NXPE2: variants seen among roughly 807,000 people sequenced by gnomAD.
NXPE2 encodes neurexophilin and PC-esterase domain family member 2.
Under a neutral mutation model 34.4 loss-of-function variants are expected in NXPE2, and 34 were observed. The ratio of observed to expected loss-of-function variants is 0.99; its 90% CI spans 0.75 to 1.31. NXPE2 has a LOEUF of 1.31. Ranked by LOEUF, NXPE2 falls within the 40% of genes most tolerant of loss-of-function variation. The pLI is 0.00. For missense variants in NXPE2, 649 were observed against 672.5 expected, an observed-to-expected ratio of 0.97 and a Z score of 0.39; for synonymous variants, 235 against 231.3, an observed-to-expected ratio of 1.02 and a Z score of -0.15.
the NXPE2 span, among the ~76,000 whole-genome samples, chr11:114,601,873 A>C: frequency 5.4e-4 from 2 of 3,694 alleles, no homozygotes; most frequent in Non-Finnish European, 7.0e-4. Context: ...AATTATATAT[A>C]TTATATATAA....
chr11:114,546,192 G>A, the NXPE2 span, among the ~76,000 whole-genome samples: 4 of 152,130 alleles, frequency 2.6e-5, no homozygotes, highest in East Asian at 5.8e-4. Context: ...CTGCATATAA[G>A]CACTGTACTC....
chr11:114,652,980 G>A, the NXPE2 span, among the ~76,000 whole-genome samples: 1 of 152,168 alleles, frequency 6.6e-6, no homozygotes, highest in Non-Finnish European at 1.5e-5. Flanking sequence ...AAAGATGACT[G>A]TGAGAAGCAA....
At chr11:114,639,185 C>G in the NXPE2 span, among the ~76,000 whole-genome samples, 11 of 152,046 alleles carry the variant, frequency 7.2e-5, no homozygotes, top group East Asian at 2.1e-3. Flanking sequence ...GCACCCCTCC[C>G]CCAGCCTCAC....
At chr11:114,534,858 C>G in the NXPE2 span, among the ~76,000 whole-genome samples, 1 of 152,206 alleles carries the variant, frequency 6.6e-6, no homozygotes, top group African/African-American at 2.4e-5. Flanking sequence ...AAACACTCTG[C>G]AGGATATTAT....
chr11:114,728,156 T>C, the NXPE2 span, among the ~76,000 whole-genome samples: 1 of 152,078 alleles, frequency 6.6e-6, no homozygotes, highest in African/African-American at 2.4e-5. Context: ...CATCTCTCAC[T>C]ATAAGCCTTC....
the NXPE2 span, among the ~76,000 whole-genome samples, chr11:114,638,590 G>T: frequency 6.6e-6 from 1 of 152,066 alleles, no homozygotes; most frequent in South Asian, 2.1e-4. Context: ...CCCCATCTTT[G>T]TGGTTTTATC....
intron 2 of NXPE2, among the ~76,000 whole-genome samples, chr11:114,692,068 C>G (rs964104097): frequency 6.6e-6 from 1 of 152,202 alleles, no homozygotes; most frequent in African/African-American, 2.4e-5. Flanking sequence ...GAACTCTCTG[C>G]ATTCACCACT....
At chr11:114,628,469 C>G in the NXPE2 span, among the ~76,000 whole-genome samples, 1 of 151,864 alleles carries the variant, frequency 6.6e-6, no homozygotes, top group East Asian at 1.9e-4. Flanking sequence ...TCTTTGAAAC[C>G]AATGAGAACA....
At chr11:114,573,249 C>A in the NXPE2 span, among the ~76,000 whole-genome samples, 1 of 152,056 alleles carries the variant, frequency 6.6e-6, no homozygotes, top group Non-Finnish European at 1.5e-5. Context: ...CAAAATAGAA[C>A]CTCCTTAAAG....
In NXPE2 at chr11:114,706,724, A is replaced by G. The variant is rs1565393059; in HGVS notation, c.1474A>G (p.Thr492Ala). Reference sequence around the variant, plus strand: ...CAAGGTGATACTTAAAACTGAAAACACCAGAGAGATAGAACAAAATGCAGA... The same window carrying G: ...CAAGGTGATACTTAAAACTGAAAACGCCAGAGAGATAGAACAAAATGCAGA... ...ETKVILKTEN[T>A]REIEQNAEMF... The change falls in exon 6 of 6, where the codon ACC becomes GCC. Residue 492 changes from threonine to alanine, a missense_variant. By Grantham distance (58) the Thr-to-Ala change is moderately conservative. Transcript: ENST00000389586. The G allele has an allele frequency of 6.4e-7, 1 of 1,552,336 alleles. No individual in the cohort carries two copies. Among genetic ancestry groups the G allele is most frequent in the Non-Finnish European group, 8.7e-7 (1 of 1,147,078 alleles).
At chr11:114,619,846 A>C in the NXPE2 span, among the ~76,000 whole-genome samples, 1 of 151,948 alleles carries the variant, frequency 6.6e-6, no homozygotes, top group East Asian at 1.9e-4. Flanking sequence ...GTTGGTAACC[A>C]GTGTTACCCG....
chr11:114,791,052 A>G, the NXPE2 span, among the ~76,000 whole-genome samples: 1 of 151,978 alleles, frequency 6.6e-6, no homozygotes, highest in Non-Finnish European at 1.5e-5. Context: ...GGCAGAGAGA[A>G]CAAACCCTGC....
the NXPE2 span, among the ~76,000 whole-genome samples, chr11:114,735,975 G>A: frequency 6.6e-6 from 1 of 152,106 alleles, no homozygotes; most frequent in Non-Finnish European, 1.5e-5. Context: ...CTGGGTGTCC[G>A]GGGGAGACAT....
chr11:114,690,178 A>G (rs144740043), intron 2 of NXPE2, among the ~76,000 whole-genome samples: 1 of 152,226 alleles, frequency 6.6e-6, no homozygotes, highest in East Asian at 1.9e-4. Context: ...GGGTTACTTT[A>G]TGGGATCTGT....
chr11:114,638,331 T>G, the NXPE2 span, among the ~76,000 whole-genome samples: 1 of 152,096 alleles, frequency 6.6e-6, no homozygotes, highest in Non-Finnish European at 1.5e-5. Context: ...CTTTAAGCAC[T>G]TCTCTGTATT....
At chr11:114,485,383 C>CTTTT in the NXPE2 span, among the ~76,000 whole-genome samples, 1,078 of 89,196 alleles carry the variant, frequency 0.012, 56 homozygotes, top group African/African-American at 0.043. Flanking sequence ...TAATTTTTGT[C>CTTTT]TTTTTTTTTT....
At chr11:114,612,753 A>G in the NXPE2 span, among the ~76,000 whole-genome samples, 1 of 151,862 alleles carries the variant, frequency 6.6e-6, no homozygotes, top group Non-Finnish European at 1.5e-5. Flanking sequence ...GTATTTAATA[A>G]GTGTTGCCTC....
the NXPE2 span, among the ~76,000 whole-genome samples, chr11:114,714,608 T>C: frequency 2.6e-5 from 4 of 152,146 alleles, no homozygotes; most frequent in African/African-American, 9.7e-5. Context: ...GGCTCTGCAG[T>C]TTTCTGTTGG....
the NXPE2 span, among the ~76,000 whole-genome samples, chr11:114,660,471 A>T: frequency 1.8e-3 from 270 of 152,170 alleles, 2 homozygotes; most frequent in Middle Eastern, 0.01. Context: ...AAGATCAATC[A>T]ATCAAAGTAA....
Sources: allele counts gnomAD v4.1 joint callset (sites outside exome capture counted in the v4.1 genomes callset), GRCh38; gene constraint gnomAD v4.1.1; transcripts MANE v1.5; gene names NCBI Gene and HGNC (gene_info 2026-07-23, HGNC 2026-07-21).